SLC25A21: variants seen among roughly 807,000 people sequenced by gnomAD.
SLC25A21 encodes mitochondrial 2-oxodicarboxylate carrier.
SLC25A21 carries 47 observed loss-of-function variants against 43.8 expected under a neutral mutation model. That is an observed-to-expected ratio of 1.07 (90% CI 0.85 to 1.37). The LOEUF is 1.37. Ranked by LOEUF, SLC25A21 falls within the 40% of genes most tolerant of loss-of-function variation. SLC25A21 has a pLI of 0.00. For synonymous variants in SLC25A21, 131 were observed against 121.3 expected (o/e 1.08, Z -0.52); for missense variants, 352 against 350.2 (o/e 1.00, Z -0.04).
In SLC25A21 at chr14:36,966,420, T is replaced by G. The variant is rs1453367909; in HGVS notation, c.71-91416A>C. ...ATCAGTGGAATTGTTTAGAGTCTTT[T>G]TTATCTACTCAACTCAGACACCTCA... On this transcript the variant is annotated intron_variant, in intron 1 of 9. Transcript: ENST00000331299. Among the ~76,000 whole-genome samples the G allele has an allele frequency of 2.6e-5, 4 of 152,208 alleles. No homozygotes were observed. In the East Asian group the frequency reaches 7.7e-4, roughly 29 times the overall value.
intron 1 of SLC25A21, among the ~76,000 whole-genome samples, chr14:37,003,332 T>G (rs1358594888): frequency 6.6e-6 from 1 of 152,192 alleles, no homozygotes; most frequent in South Asian, 2.1e-4. Context: ...TGAAGTGAGG[T>G]GAACGCTACA....
intron 1 of SLC25A21, among the ~76,000 whole-genome samples, chr14:37,140,251 G>A (rs1190890863): frequency 6.6e-6 from 1 of 152,156 alleles, no homozygotes; most frequent in African/African-American, 2.4e-5. Context: ...GTAGATACAG[G>A]ATAAAAACTT....
chr14:37,034,226 C>G (rs1337468900), intron 1 of SLC25A21, among the ~76,000 whole-genome samples: 1 of 152,102 alleles, frequency 6.6e-6, no homozygotes, highest in African/African-American at 2.4e-5. Context: ...TCATGTTGGC[C>G]AGGCTTGTCT....
intron 1 of SLC25A21, among the ~76,000 whole-genome samples, chr14:36,993,995 C>T (rs185291582): frequency 1.1e-3 from 170 of 152,096 alleles, no homozygotes; most frequent in African/African-American, 3.8e-3. Flanking sequence ...CATTTTTTTT[C>T]ATATACACAA....
At chr14:37,038,635 G>A (rs976346053) in intron 1 of SLC25A21, among the ~76,000 whole-genome samples, 8 of 152,174 alleles carry the variant, frequency 5.3e-5, no homozygotes, top group Non-Finnish European at 1.2e-4. Flanking sequence ...CAGGAAGTCA[G>A]AAGAACATTG....
chr14:36,999,344 G>A (rs998175632), intron 1 of SLC25A21, among the ~76,000 whole-genome samples: 2 of 152,174 alleles, frequency 1.3e-5, no homozygotes, highest in African/African-American at 4.8e-5. Context: ...TATGGAGACA[G>A]TAAAAAGATC....
At chr14:36,993,424 C>T (rs1011371608) in intron 1 of SLC25A21, among the ~76,000 whole-genome samples, 2 of 152,168 alleles carry the variant, frequency 1.3e-5, no homozygotes, top group African/African-American at 2.4e-5. Flanking sequence ...TTTAAAGAAA[C>T]ATGTATCCTG....
intron 2 of SLC25A21, among the ~76,000 whole-genome samples, chr14:36,827,995 G>A (rs949597840): frequency 2.6e-5 from 4 of 152,180 alleles, no homozygotes; most frequent in South Asian, 2.1e-4. Context: ...TATCCTAAAT[G>A]AGTGTGGCTT....
At chr14:36,871,432 T>C (rs1441338134) in intron 2 of SLC25A21, among the ~76,000 whole-genome samples, 2 of 152,150 alleles carry the variant, frequency 1.3e-5, no homozygotes, top group Admixed American at 6.5e-5. Context: ...GATATTTTGT[T>C]ATAGAAGCCT....
intron 7 of SLC25A21, among the ~76,000 whole-genome samples, chr14:36,695,030 T>G (rs1721094857): frequency 1.3e-5 from 2 of 152,228 alleles, no homozygotes. Flanking sequence ...TCTAGGGTTT[T>G]TATGGTTTTA....
intron 1 of SLC25A21, among the ~76,000 whole-genome samples, chr14:36,913,437 A>G (rs1891744161): frequency 6.6e-6 from 1 of 152,048 alleles, no homozygotes; most frequent in African/African-American, 2.4e-5. Context: ...CAACACACCC[A>G]GCTGATTTTT....
chr14:37,105,111 C>T (rs1962886664), intron 1 of SLC25A21, among the ~76,000 whole-genome samples: 2 of 152,044 alleles, frequency 1.3e-5, no homozygotes, highest in African/African-American at 4.8e-5. Context: ...ATTAGAATTC[C>T]AGATAGAAGT....
At position 36,679,290 on chromosome 14, in the gene SLC25A21, T is replaced by C; in HGVS notation, c.*1368A>G. ...AGGATGTACAACAGAAGGCTATGTA[T>C]GTATATACAGTATGTCAAAAGCCTT... On this transcript the variant is annotated 3_prime_UTR_variant, in exon 10 of 10. Transcript: ENST00000331299. 3 of 978,360 alleles carry C rather than the reference T, an allele frequency of 3.1e-6. No individual in the cohort carries two copies. Among genetic ancestry groups the C allele is most frequent in the Non-Finnish European group, 3.6e-6 (3 of 823,570 alleles). 60.6% of individuals were successfully genotyped at this position (978,360 alleles called of 1,614,324 possible). A position where few individuals can be genotyped will look rare whatever the true frequency, so the allele number is the denominator to read the frequency against.
chr14:36,848,635 T>C (rs368982939), intron 2 of SLC25A21, among the ~76,000 whole-genome samples: 2 of 152,212 alleles, frequency 1.3e-5, no homozygotes, highest in East Asian at 3.9e-4. Flanking sequence ...CCCTAAATGA[T>C]CAGCAGATTT....
At chr14:36,807,371 G>A (rs1447322093) in intron 3 of SLC25A21, among the ~76,000 whole-genome samples, 1 of 152,148 alleles carries the variant, frequency 6.6e-6, no homozygotes, top group Non-Finnish European at 1.5e-5. Context: ...AGAGGGGAGA[G>A]AAAAAGCAGC....
At chr14:37,118,024 G>C (rs1030412199) in intron 1 of SLC25A21, among the ~76,000 whole-genome samples, 5 of 151,714 alleles carry the variant, frequency 3.3e-5, no homozygotes, top group African/African-American at 1.2e-4. Context: ...AATGATAATA[G>C]CCCTCCCCAG....
chr14:37,047,993 A>T (rs1961624254), intron 1 of SLC25A21, among the ~76,000 whole-genome samples: 1 of 152,214 alleles, frequency 6.6e-6, no homozygotes, highest in Non-Finnish European at 1.5e-5. Context: ...CAAATTTTAA[A>T]ATTAATGCAG....
intron 1 of SLC25A21, among the ~76,000 whole-genome samples, chr14:36,936,337 C>T (rs768299914): frequency 6.6e-6 from 1 of 152,120 alleles, no homozygotes; most frequent in Non-Finnish European, 1.5e-5. Flanking sequence ...CACCAGCCCC[C>T]CTCCCACCAC....
At chr14:37,140,314 A>C (rs1963549890) in intron 1 of SLC25A21, among the ~76,000 whole-genome samples, 1 of 152,206 alleles carries the variant, frequency 6.6e-6, no homozygotes. Context: ...AAGAACTATG[A>C]CTTACTAATT....
Sources: gnomAD v4.1 joint callset for allele counts (sites outside exome capture counted in the v4.1 genomes callset) on GRCh38, gnomAD v4.1.1 for gene constraint, MANE v1.5 for transcripts, NCBI Gene and HGNC (gene_info 2026-07-23, HGNC 2026-07-21) for gene names.